XYLT1: variants seen among roughly 807,000 people sequenced by gnomAD.
XYLT1 encodes the protein beta-D-xylosyltransferase 1.
Under a neutral mutation model 91.3 loss-of-function variants are expected in XYLT1, and 36 were observed. The ratio of observed to expected loss-of-function variants is 0.39; its 90% CI spans 0.30 to 0.52. The LOEUF is 0.52. XYLT1 is among the 20% of genes least tolerant of loss of function. XYLT1 has a pLI of 0.68. For synonymous variants in XYLT1, 588 were observed against 532.0 expected, an observed-to-expected ratio of 1.11 and a Z score of -1.45; for missense variants, 1,242 against 1,284.5, an observed-to-expected ratio of 0.97 and a Z score of 0.51.
intron 3 of XYLT1, among the ~76,000 whole-genome samples, chr16:17,234,480 T>A (rs1329153705): frequency 6.6e-6 from 1 of 151,772 alleles, no homozygotes; most frequent in East Asian, 1.9e-4. Flanking sequence ...AAATACCTAA[T>A]AAATAAATAA....
At chr16:17,396,626 T>C (rs1269021164) in intron 1 of XYLT1, among the ~76,000 whole-genome samples, 1 of 152,160 alleles carries the variant, frequency 6.6e-6, no homozygotes, top group Admixed American at 6.5e-5. Flanking sequence ...ATCCCAACAC[T>C]TTGGGAGGCC....
intron 1 of XYLT1, among the ~76,000 whole-genome samples, chr16:17,397,287 T>C (rs990563411): frequency 1.3e-5 from 2 of 152,110 alleles, no homozygotes; most frequent in African/African-American, 4.8e-5. Flanking sequence ...TCGACCTCTA[T>C]CTGAATCAAA....
In XYLT1 at chr16:17,108,839, C is replaced by T. The variant is rs1303070880; in HGVS notation, c.2736G>A (p.Gly912=). Residue 912 remains glycine (G), a synonymous_variant, in exon 12 of 12, where the codon GGG becomes GGA. Transcript: ENST00000261381. ...CACAGATGTCCATGGCAGTCCACAT[C>T]CCGCCCACCAACGAGTCCAGCCATC... is the stretch of plus-strand genomic sequence containing the variant. ...LEGWLDSLVG[G]MWTAMDICAT... The T allele has an allele frequency of 5.0e-6, 8 of 1,612,858 alleles. No individual in the cohort carries two copies. Among genetic ancestry groups the T allele is most frequent in the Non-Finnish European group, 5.1e-6 (6 of 1,179,912 alleles).
intron 5 of XYLT1, among the ~76,000 whole-genome samples, chr16:17,196,292 C>G (rs888885807): frequency 3.9e-5 from 6 of 152,206 alleles, no homozygotes; most frequent in Admixed American, 3.3e-4. Flanking sequence ...AAAACTCAAA[C>G]TCTTGGGAAT....
At chr16:17,406,961 C>T (rs1357809770) in intron 1 of XYLT1, among the ~76,000 whole-genome samples, 3 of 151,848 alleles carry the variant, frequency 2.0e-5, no homozygotes, top group Admixed American at 2.0e-4. Context: ...CGAAAGTCAC[C>T]CTTTTAATTT....
chr16:17,395,246 ACCTCCCACCAAGTC>A (rs1424818533), intron 1 of XYLT1, among the ~76,000 whole-genome samples: 1 of 151,748 alleles, frequency 6.6e-6, no homozygotes, highest in African/African-American at 2.4e-5. Context: ...TCATCCAATC[ACCTCCCACCAAGTC>A]CCTCCTTTGG....
chr16:17,204,858 A>C (rs925632438), intron 3 of XYLT1, among the ~76,000 whole-genome samples: 4 of 151,500 alleles, frequency 2.6e-5, no homozygotes, highest in Non-Finnish European at 5.9e-5. Flanking sequence ...GAAATGTGTC[A>C]GCTTTCAGCT....
At chr16:17,167,697 G>A (rs1013613415) in intron 5 of XYLT1, among the ~76,000 whole-genome samples, 5 of 151,452 alleles carry the variant, frequency 3.3e-5, no homozygotes, top group Admixed American at 6.6e-5. Context: ...TCTCGTGAAC[G>A]GATTCTAACC....
intron 1 of XYLT1, among the ~76,000 whole-genome samples, chr16:17,414,306 T>C (rs960370106): frequency 6.6e-5 from 10 of 152,228 alleles, no homozygotes; most frequent in Non-Finnish European, 1.5e-4. Context: ...TATTTACTTA[T>C]TCATTTATTT....
In XYLT1 at chr16:17,259,367, C is replaced by T. The variant is rs142578304; in HGVS notation, c.534G>A (p.Gln178=). Residue 178 remains glutamine (Q), a synonymous_variant, in exon 3 of 12, where the codon CAG becomes CAA. Coordinates refer to ENST00000261381, the MANE Select transcript of XYLT1 (RefSeq NM_022166.4). ...FAPRTQKQKH[Q]PELAKKPPSR... ...TCGGTGGCTTCTTCGCCAACTCAGG[C>T]TGGTGCTTCTGCTTTTGAGTCCTGG... 1 of 1,614,056 alleles carries T rather than the reference C, an allele frequency of 6.2e-7. No homozygotes were observed. The highest frequency in any genetic ancestry group is 2.2e-5 in the East Asian group (1 of 44,888).
intron 2 of XYLT1, among the ~76,000 whole-genome samples, chr16:17,320,399 C>G (rs2034697852): frequency 6.6e-6 from 1 of 152,066 alleles, no homozygotes; most frequent in Non-Finnish European, 1.5e-5. Context: ...ATGCTTACAT[C>G]CAAAACCTCT....
At chr16:17,415,829 C>T (rs557320981) in intron 1 of XYLT1, among the ~76,000 whole-genome samples, 10 of 152,078 alleles carry the variant, frequency 6.6e-5, no homozygotes, top group South Asian at 2.1e-4. Flanking sequence ...GTCAGACACA[C>T]GGGAAGTGTT....
At position 17,106,820 on chromosome 16, in the gene XYLT1, AAAC is replaced by A. The variant is rs1051391746; in HGVS notation, c.*1872_*1874del. The A allele has an allele frequency of 2.0e-5, 3 of 152,172 alleles. No homozygotes were observed. Among genetic ancestry groups the A allele is most frequent in the African/African-American group, 2.4e-5 (1 of 41,500 alleles). 9.4% of individuals were successfully genotyped at this position (152,172 alleles called of 1,614,324 possible). On this transcript the variant is annotated 3_prime_UTR_variant, in exon 12 of 12. Coordinates refer to ENST00000261381, the MANE Select transcript of XYLT1 (RefSeq NM_022166.4). ...AGGCTGACACTCTGCATAAGGAAAAAAACAAGGCTCCAACGGTCCCCAAGGCAC... is the reference window on the plus strand; with the variant it reads ...AGGCTGACACTCTGCATAAGGAAAAAAAGGCTCCAACGGTCCCCAAGGCAC...
At chr16:17,397,129 A>G (rs1466004892) in intron 1 of XYLT1, among the ~76,000 whole-genome samples, 3 of 152,274 alleles carry the variant, frequency 2.0e-5, no homozygotes, top group Admixed American at 6.5e-5. Flanking sequence ...ATCCAATTCA[A>G]TTCAGGAGGG....
chr16:17,241,522 C>T lies in XYLT1; in HGVS notation c.913+17466G>A, dbSNP rs138124356. On this transcript the variant is annotated intron_variant, in intron 3 of 11. Coordinates refer to ENST00000261381, the MANE Select transcript of XYLT1 (RefSeq NM_022166.4). Reference sequence around the variant, plus strand: ...TTCTTGGGAGCTTTCAGTGTGAGTGCGTGAGTGCATGGAGATTTGGTTTTT... The same window carrying T: ...TTCTTGGGAGCTTTCAGTGTGAGTGTGTGAGTGCATGGAGATTTGGTTTTT... 5.6e-3 allele frequency among the ~76,000 whole-genome samples: 847 copies of T among 152,286 alleles called. 8 individuals are homozygous for T. The highest frequency in any genetic ancestry group is 0.018 in the African/African-American group (728 of 41,558).
chr16:17,347,351 C>T (rs1355594797), intron 2 of XYLT1, among the ~76,000 whole-genome samples: 1 of 152,180 alleles, frequency 6.6e-6, no homozygotes, highest in Non-Finnish European at 1.5e-5. Flanking sequence ...TCCCTCCCCA[C>T]TGAAGAATGC....
intron 1 of XYLT1, among the ~76,000 whole-genome samples, chr16:17,461,237 C>T (rs1331047408): frequency 1.3e-5 from 2 of 152,196 alleles, no homozygotes; most frequent in Non-Finnish European, 2.9e-5. Context: ...CTCAGGGCTC[C>T]CAGGGCTCTG....
Position 17,116,205 on chromosome 16 carries a change from G to A in XYLT1, c.2557+1441C>T, listed in dbSNP as rs115232896. On this transcript the variant is annotated intron_variant, in intron 11 of 11. Transcript: ENST00000261381. ...TTAATAAAAGGAGGTGAAAAGGGGCGGGGGAAATAGAAGTATAAAAGTAAA... is the reference window on the plus strand; with the variant it reads ...TTAATAAAAGGAGGTGAAAAGGGGCAGGGGAAATAGAAGTATAAAAGTAAA... 5.7e-3 allele frequency among the ~76,000 whole-genome samples: 869 copies of A among 152,158 alleles called. 9 individuals carry two copies. Among genetic ancestry groups the A allele is most frequent in the African/African-American group, 0.019 (809 of 41,516 alleles).
intron 2 of XYLT1, among the ~76,000 whole-genome samples, chr16:17,339,389 A>C (rs1209232788): frequency 6.6e-6 from 1 of 152,210 alleles, no homozygotes; most frequent in Non-Finnish European, 1.5e-5. Flanking sequence ...TTTTCATGTC[A>C]CATTGCTTTG....
Sources: gnomAD v4.1 joint callset for allele counts (sites outside exome capture counted in the v4.1 genomes callset) on GRCh38, gnomAD v4.1.1 for gene constraint, MANE v1.5 for transcripts, NCBI Gene and HGNC (gene_info 2026-07-23, HGNC 2026-07-21) for gene names.